DGCR2: variants seen among roughly 807,000 people sequenced by gnomAD.
The protein encoded by DGCR2 is DiGeorge syndrome critical region gene 2.
Under a neutral mutation model 51.6 loss-of-function variants are expected in DGCR2, and 24 were observed. The ratio of observed to expected loss-of-function variants is 0.47; its 90% CI spans 0.34 to 0.65. DGCR2 has a LOEUF of 0.65. DGCR2 is among the 30% of genes least tolerant of loss of function. The pLI is 0.01. For synonymous variants in DGCR2, 340 were observed against 315.4 expected, an observed-to-expected ratio of 1.08 and a Z score of -0.82; for missense variants, 765 against 772.1, an observed-to-expected ratio of 0.99 and a Z score of 0.11.
chr22:19,054,365 G>C (rs570458721), intron 6 of DGCR2, among the ~76,000 whole-genome samples: 2 of 152,310 alleles, frequency 1.3e-5, no homozygotes, highest in East Asian at 3.9e-4. Flanking sequence ...CTGTGTAAAT[G>C]GTGTATGAAA....
chr22:19,044,309 G>A lies in DGCR2; in HGVS notation c.1007-2350C>T, dbSNP rs574581198. Among the ~76,000 whole-genome samples, 21 of 152,338 alleles carry A rather than the reference G, an allele frequency of 1.4e-4. 1 individual carries two copies. Among genetic ancestry groups the A allele is most frequent in the South Asian group, 4.1e-4 (2 of 4,830 alleles). ...ATGGAGTTCTGGGCTGTGCAGTTGG[G>A]GTTGTCTTTTGTCTCTCAGCTATCC... On this transcript the variant is annotated intron_variant, in intron 7 of 9. Transcript: ENST00000263196.
At chr22:19,071,837 T>C (rs577264231) in intron 2 of DGCR2, among the ~76,000 whole-genome samples, 3 of 152,282 alleles carry the variant, frequency 2.0e-5, no homozygotes, top group East Asian at 3.9e-4. Context: ...TTTTTGATCA[T>C]AGTATTTAGG....
chr22:19,064,866 C>A lies in DGCR2; in HGVS notation c.530G>T (p.Gly177Val). The change falls in exon 4 of 10, where the codon GGT (glycine) becomes GTT (valine). Residue 177 changes from glycine to valine, a missense_variant. Physicochemically the swap from Gly to Val is moderately radical, Grantham distance 109. This residue lies in a region of DGCR2 where 370 missense variants were observed against 325.5 expected (regional missense o/e 1.14). Transcript: ENST00000263196. ...QEWDQPERSFGWKDQRKLWVG... is the reference protein window; with the variant it reads ...QEWDQPERSFVWKDQRKLWVG... ...GACTCACTTGCGCTGGTCCTTCCAA[C>A]CAAAGCTCCGCTCGGGCTGGTCCCA... 1 of 1,613,784 alleles carries A rather than the reference C, an allele frequency of 6.2e-7. No individual in the cohort carries two copies. The highest frequency in any genetic ancestry group is 8.5e-7 in the Non-Finnish European group (1 of 1,179,964).
chr22:19,041,942 C>G lies in DGCR2; in HGVS notation c.1024G>C (p.Asp342His), dbSNP rs1191565395. Residue 342 changes from aspartate (D) to histidine (H), a missense_variant, in exon 8 of 10, where the codon GAC (aspartate) becomes CAC (histidine). By Grantham distance (81) the Asp-to-His change is moderately conservative. Around this residue, in one of 3 missense-constraint regions of DGCR2, gnomAD observed 190 missense variants for 265.2 expected, o/e 0.72. Coordinates refer to ENST00000263196, the MANE Select transcript of DGCR2 (RefSeq NM_005137.3). ...CLDPDGNSLF[D>H]SMASGMRLVV... ...AGGCGCATCCCGCTGGCCATGGAGTCAAACAGACTGTTGCCATCTGAGGGG... is the reference window on the plus strand; with the variant it reads ...AGGCGCATCCCGCTGGCCATGGAGTGAAACAGACTGTTGCCATCTGAGGGG... 6.2e-7 allele frequency: 1 copy of G among 1,612,974 alleles called. No homozygotes were observed. Among genetic ancestry groups the G allele is most frequent in the African/African-American group, 1.3e-5 (1 of 74,898 alleles).
intron 2 of DGCR2, among the ~76,000 whole-genome samples, chr22:19,081,880 C>A (rs531869942): frequency 2.3e-4 from 35 of 152,246 alleles, no homozygotes; most frequent in Non-Finnish European, 3.7e-4. Flanking sequence ...AGAATACTAA[C>A]GAGGTTAAAT....
chr22:19,041,439 C>A, intron 8 of DGCR2, 145 bp from the exon 9 acceptor site: 1 of 763,606 alleles, frequency 1.3e-6, no homozygotes, highest in South Asian at 1.7e-5. Flanking sequence ...CGGCCACATT[C>A]GGCATCCCCA....
chr22:19,079,192 T>C (rs944588631), intron 2 of DGCR2, among the ~76,000 whole-genome samples: 1 of 152,164 alleles, frequency 6.6e-6, no homozygotes. Flanking sequence ...AGATGACAGA[T>C]ATGAGCCCAG....
intron 6 of DGCR2, among the ~76,000 whole-genome samples, chr22:19,052,478 A>G (rs1047251658): frequency 2.6e-5 from 4 of 152,046 alleles, no homozygotes; most frequent in Admixed American, 1.3e-4. Flanking sequence ...TTTGCACAAA[A>G]ACCTGTATGC....
intron 1 of DGCR2, among the ~76,000 whole-genome samples, chr22:19,100,255 C>G (rs2083186863): frequency 6.6e-6 from 1 of 151,956 alleles, no homozygotes. Flanking sequence ...TACAACAGAA[C>G]AAGACTCTGT....
At chr22:19,076,213 TGCAGTG>T (rs1451314946) in intron 2 of DGCR2, among the ~76,000 whole-genome samples, 1 of 152,208 alleles carries the variant, frequency 6.6e-6, no homozygotes, top group Non-Finnish European at 1.5e-5. Context: ...CAGACTGGAG[TGCAGTG>T]GCATGATCTC....
intron 2 of DGCR2, among the ~76,000 whole-genome samples, chr22:19,075,804 T>G (rs1235353980): frequency 6.6e-6 from 1 of 152,246 alleles, no homozygotes; most frequent in African/African-American, 2.4e-5. Flanking sequence ...ATGGATAGAC[T>G]ACCTTGTTGT....
chr22:19,066,980 G>C (rs996122895), intron 3 of DGCR2, among the ~76,000 whole-genome samples: 1 of 152,234 alleles, frequency 6.6e-6, no homozygotes, highest in African/African-American at 2.4e-5. Context: ...CGTTCGGGCT[G>C]TGGGCACAGG....
At chr22:19,100,725 T>C (rs191149927) in intron 1 of DGCR2, among the ~76,000 whole-genome samples, 155 of 151,998 alleles carry the variant, frequency 1.0e-3, no homozygotes, top group Admixed American at 9.9e-3. Flanking sequence ...TAAGACACCT[T>C]AATACACTTA....
chr22:19,066,031 C>G (rs1320743844), intron 3 of DGCR2: 1 of 152,214 alleles, frequency 6.6e-6, no homozygotes, highest in African/African-American at 2.4e-5. Context: ...CTAAGCATGG[C>G]CACAGCTGGA....
chr22:19,044,947 G>A (rs2082472787), intron 7 of DGCR2, among the ~76,000 whole-genome samples: 1 of 152,032 alleles, frequency 6.6e-6, no homozygotes, highest in Admixed American at 6.6e-5. Flanking sequence ...CCTTAACAGT[G>A]TGTTCCAAAG....
At chr22:19,095,662 A>G (rs1210073623) in intron 1 of DGCR2, among the ~76,000 whole-genome samples, 1 of 148,788 alleles carries the variant, frequency 6.7e-6, no homozygotes, top group Non-Finnish European at 1.5e-5. Context: ...CTCCGTCTCA[A>G]AAAAAAAAAA....
At chr22:19,076,723 C>CTTTTTTTT (rs1228247995) in intron 2 of DGCR2, among the ~76,000 whole-genome samples, 10 of 118,764 alleles carry the variant, frequency 8.4e-5, no homozygotes, top group African/African-American at 1.3e-4. Context: ...GTCCTTTGCA[C>CTTTTTTTT]ATTTTTTTTT....
chr22:19,055,293 C>T (rs1172888896), intron 6 of DGCR2, among the ~76,000 whole-genome samples: 1 of 152,046 alleles, frequency 6.6e-6, no homozygotes. Flanking sequence ...CCACTAAAAG[C>T]ATTTAATAAA....
intron 1 of DGCR2, among the ~76,000 whole-genome samples, chr22:19,094,519 G>A (rs2083116948): frequency 6.6e-6 from 1 of 152,254 alleles, no homozygotes. Context: ...GGTGGCAAGT[G>A]TGTGAAGCAA....
Sources: gnomAD v4.1 joint callset for allele counts (sites outside exome capture counted in the v4.1 genomes callset) on GRCh38, gnomAD v4.1.1 for gene constraint, gnomAD v4.1.1 regional missense constraint, MANE v1.5 for transcripts, NCBI Gene and HGNC (gene_info 2026-07-23, HGNC 2026-07-21) for gene names.